The following ATP6V1C2 variants were observed in gnomAD, a reference collection of about 807,000 sequenced individuals.
ATP6V1C2 encodes ATPase H+ transporting V1 subunit C2.
A neutral mutation model predicts 56.8 loss-of-function variants in ATP6V1C2; 45 were observed. That is an observed-to-expected ratio of 0.79 (90% CI 0.62 to 1.02). The LOEUF (loss-of-function observed/expected upper bound fraction) is 1.02, where lower values mean the gene tolerates loss of function less well. ATP6V1C2 is among the 50% of genes least tolerant of loss of function. The pLI, the probability that ATP6V1C2 is intolerant of heterozygous loss-of-function variation, is 0.00. For missense variants in ATP6V1C2, 463 were observed against 519.7 expected, an observed-to-expected ratio of 0.89 and a Z score of 1.06; for synonymous variants, 220 against 201.3, an observed-to-expected ratio of 1.09 and a Z score of -0.79.
intron 13 of ATP6V1C2, 152 bp downstream of exon 13, chr2:10,782,527 C>A: frequency 1.1e-6 from 1 of 883,236 alleles, no homozygotes; most frequent in Non-Finnish European, 1.7e-6. Context: ...TGGTAAGACC[C>A]TGTCTCTACT....
chr2:10,764,485 G>C lies in ATP6V1C2; in HGVS notation c.378+60G>C, dbSNP rs1664109037. On this transcript the variant is annotated intron_variant, in intron 5 of 13. Coordinates refer to ENST00000272238, the MANE Select transcript of ATP6V1C2 (RefSeq NM_001039362.2). ...TGGTGGGTCAGGCGGGCAAGAGCCT[G>C]GGTAGGGCCCCCCTGCCAACAGCCT... The C allele has an allele frequency of 2.1e-6, 3 of 1,450,552 alleles. No homozygotes were observed. In the African/African-American group the frequency reaches 4.2e-5, roughly 20 times the overall value. 89.9% of individuals were successfully genotyped at this position (1,450,552 alleles called of 1,614,324 possible).
chr2:10,768,287 AC>A (rs765998214), intron 5 of ATP6V1C2: 23 of 173,926 alleles, frequency 1.3e-4, no homozygotes, highest in Non-Finnish European at 2.2e-4. Flanking sequence ...TGTCCACTGC[AC>A]CTCCCTGCCC....
chr2:10,734,228 C>T (rs1467322212), intron 3 of ATP6V1C2, among the ~76,000 whole-genome samples: 2 of 152,016 alleles, frequency 1.3e-5, no homozygotes, highest in African/African-American at 4.8e-5. Context: ...CCTCTTCACC[C>T]CTCCTCCTCC....
chr2:10,722,217 C>T (rs913249325), intron 1 of ATP6V1C2, among the ~76,000 whole-genome samples: 1 of 152,216 alleles, frequency 6.6e-6, no homozygotes, highest in Middle Eastern at 3.4e-3. Flanking sequence ...CCACCGGCCA[C>T]GCCGGGCAAG....
intron 3 of ATP6V1C2, among the ~76,000 whole-genome samples, chr2:10,746,785 G>A (rs1004868353): frequency 6.6e-6 from 1 of 152,164 alleles, no homozygotes; most frequent in African/African-American, 2.4e-5. Flanking sequence ...ATAAATTCAT[G>A]GAAATTGCAG....
At chr2:10,767,382 CAA>C (rs1664293219) in intron 5 of ATP6V1C2, among the ~76,000 whole-genome samples, 1 of 152,068 alleles carries the variant, frequency 6.6e-6, no homozygotes, top group Non-Finnish European at 1.5e-5. Flanking sequence ...AGGCTGGTCC[CAA>C]ACTCCTGAGC....
chr2:10,784,159 C>CTGGT lies in ATP6V1C2; in HGVS notation c.*897_*900dup, dbSNP rs750051227. 3.6e-6 allele frequency: 3 copies of CTGGT among 823,886 alleles called. No individual in the cohort carries two copies. Among genetic ancestry groups the CTGGT allele is most frequent in the Non-Finnish European group, 5.8e-6 (3 of 521,186 alleles). 51.0% of individuals were successfully genotyped at this position (823,886 alleles called of 1,614,324 possible). A position where few individuals can be genotyped will look rare whatever the true frequency, so the allele number is the denominator to read the frequency against. On this transcript the variant is annotated 3_prime_UTR_variant, in exon 14 of 14. Coordinates refer to ENST00000272238, the MANE Select transcript of ATP6V1C2 (RefSeq NM_001039362.2). Reference sequence around the variant, plus strand: ...GTACTACTTCTTGGTTAAAAGGCCACTGGTAGAGTCATCTGAGTGTAGAGA... The same window carrying CTGGT: ...GTACTACTTCTTGGTTAAAAGGCCACTGGTTGGTAGAGTCATCTGAGTGTAGAGA...
Position 10,763,935 on chromosome 2 carries a change from A to C in ATP6V1C2, c.284-396A>C, listed in dbSNP as rs1378941574. Among the ~76,000 whole-genome samples the C allele has an allele frequency of 6.6e-6, 1 of 152,194 alleles. No homozygotes were observed. The highest frequency in any genetic ancestry group is 2.1e-4 in the South Asian group (1 of 4,832). ...TCCTGAAGGCAGTGGGTTTTGGGGA[A>C]AGAAAAGAAAAAAAGGAAATGCTTG... is the stretch of plus-strand genomic sequence containing the variant. On this transcript the variant is annotated intron_variant, in intron 4 of 13. Transcript: ENST00000272238. This position sits in a 1 kb window ranked among gnomAD's most constrained non-coding sequence, Gnocchi z 4.2.
Position 10,784,372 on chromosome 2 carries a change from C to A in ATP6V1C2, c.*1109C>A, listed in dbSNP as rs767132169. ...ACTGTTAGATCTGCAGAAGGGGACA[C>A]CCTGGAAGGTCAACATCTCATTTTA... is the stretch of plus-strand genomic sequence containing the variant. On this transcript the variant is annotated 3_prime_UTR_variant, in exon 14 of 14. Transcript: ENST00000272238. 1.3e-6 allele frequency: 2 copies of A among 1,485,960 alleles called. No individual in the cohort carries two copies. Among genetic ancestry groups the A allele is most frequent in the Non-Finnish European group, 1.9e-6 (2 of 1,074,218 alleles). 92.0% of individuals were successfully genotyped at this position (1,485,960 alleles called of 1,614,324 possible).
intron 8 of ATP6V1C2, among the ~76,000 whole-genome samples, chr2:10,774,188 G>A (rs1000811135): frequency 6.6e-6 from 1 of 152,254 alleles, no homozygotes; most frequent in Non-Finnish European, 1.5e-5. Context: ...TGAGAAACAG[G>A]AAGGGTGACC....
intron 3 of ATP6V1C2, among the ~76,000 whole-genome samples, chr2:10,741,862 A>C (rs142906081): frequency 6.7e-6 from 1 of 149,558 alleles, no homozygotes; most frequent in Non-Finnish European, 1.5e-5. Flanking sequence ...CTTCCCAGGC[A>C]TCTGGGTTCC....
intron 13 of ATP6V1C2, among the ~76,000 whole-genome samples, chr2:10,782,961 AAAAAC>A (rs1034182144): frequency 6.6e-6 from 1 of 152,056 alleles, no homozygotes; most frequent in Non-Finnish European, 1.5e-5. Flanking sequence ...AAACTGTCTC[AAAAAC>A]AAAACAAAGC....
chr2:10,767,263 C>G (rs1664287015), intron 5 of ATP6V1C2, among the ~76,000 whole-genome samples: 1 of 144,574 alleles, frequency 6.9e-6, no homozygotes, highest in African/African-American at 2.6e-5. Flanking sequence ...CTGGTTCAAG[C>G]AATTATCCTG....
chr2:10,779,389 G>T (rs1433203781), intron 12 of ATP6V1C2, among the ~76,000 whole-genome samples: 1 of 146,388 alleles, frequency 6.8e-6, no homozygotes, highest in African/African-American at 2.5e-5. Flanking sequence ...GATTACAGGC[G>T]CGAGCCACCA....
Position 10,722,938 on chromosome 2 carries a change from A to C in ATP6V1C2, c.89A>C (p.Asn30Thr). Residue 30 changes from asparagine to threonine, a missense_variant, in exon 2 of 14, where the codon AAC becomes ACC. Transcript: ENST00000272238. ...ERMNTVTSKS[N>T]LSYNTKFAIP... ...ATGAATACTGTAACCTCCAAGTCCAACCTGTCTTATAATACCAAATTCGCT... is the reference window on the plus strand; with the variant it reads ...ATGAATACTGTAACCTCCAAGTCCACCCTGTCTTATAATACCAAATTCGCT... 1 of 1,614,104 alleles carries C rather than the reference A, an allele frequency of 6.2e-7. No homozygotes were observed. The highest frequency in any genetic ancestry group is 8.5e-7 in the Non-Finnish European group (1 of 1,180,010).
Position 10,772,514 on chromosome 2 carries a change from A to C in ATP6V1C2, c.570-28A>C, listed in dbSNP as rs753809982. ...CACCCACGAGCCTTTTCTGCAAAAAATCACGTAACGATTCTATGTTCTTGC... is the reference window on the plus strand; with the variant it reads ...CACCCACGAGCCTTTTCTGCAAAAACTCACGTAACGATTCTATGTTCTTGC... On this transcript the variant is annotated intron_variant, in intron 7 of 13. Transcript: ENST00000272238. The C allele has an allele frequency of 4.4e-5, 71 of 1,602,356 alleles. No individual in the cohort carries two copies. In the Admixed American group the frequency reaches 1.2e-3, roughly 26 times the overall value.
intron 3 of ATP6V1C2, among the ~76,000 whole-genome samples, chr2:10,732,967 C>CAAAAGAAA (rs1553324483): frequency 1.2e-4 from 15 of 126,122 alleles, no homozygotes; most frequent in African/African-American, 4.3e-4. Context: ...AAGACTGTCT[C>CAAAAGAAA]AAAAAAAAAA....
chr2:10,778,554 G>A lies in ATP6V1C2; in HGVS notation c.964-18G>A. On this transcript the variant is annotated intron_variant, in intron 11 of 13. Transcript: ENST00000272238. The stretch of plus-strand genomic sequence containing the variant: ...CGGGGTGTTCAGCAGGGGTCACCTG[G>A]CTCTTCTGTCTTTGCAGGGCCCCCT... 2 of 1,612,802 alleles carry A rather than the reference G, an allele frequency of 1.2e-6. No homozygotes were observed. Among genetic ancestry groups the A allele is most frequent in the South Asian group, 2.2e-5 (2 of 91,040 alleles).
intron 9 of ATP6V1C2, 40 bp downstream of exon 9, chr2:10,774,920 G>A (rs1427122868): frequency 6.2e-7 from 1 of 1,611,652 alleles, no homozygotes; most frequent in Non-Finnish European, 8.5e-7. Flanking sequence ...CCGCTGCGGG[G>A]GGTCTCTGCC....
Sources: allele counts gnomAD v4.1 joint callset (sites outside exome capture counted in the v4.1 genomes callset), GRCh38; gene constraint gnomAD v4.1.1; non-coding constraint Gnocchi (gnomAD v3.1); transcripts MANE v1.5; gene names NCBI Gene and HGNC (gene_info 2026-07-23, HGNC 2026-07-21).